ZNF831: variants seen among roughly 807,000 people sequenced by gnomAD.
ZNF831 encodes the protein zinc finger protein 831, also known as chromosome 20 open reading frame 174.
A neutral mutation model predicts 95.8 loss-of-function variants in ZNF831; 59 were observed. The ratio of observed to expected loss-of-function variants is 0.62; its 90% CI spans 0.50 to 0.77. ZNF831 has a LOEUF of 0.77. Among genes scored for constraint, ZNF831 ranks in the 30% least tolerant of loss-of-function variants. The pLI, the probability that ZNF831 is intolerant of heterozygous loss-of-function variation, is 0.00. For synonymous variants in ZNF831, 961 were observed against 925.5 expected, an observed-to-expected ratio of 1.04 and a Z score of -0.70; for missense variants, 2,205 against 2,164.0, an observed-to-expected ratio of 1.02 and a Z score of -0.38.
At chr20:59,240,804 AAAAT>A (rs755896131) in intron 4 of ZNF831, among the ~76,000 whole-genome samples, 14 of 152,178 alleles carry the variant, frequency 9.2e-5, no homozygotes, top group African/African-American at 1.2e-4. Context: ...TCCGTCTCAA[AAAAT>A]AAATAAATAA....
rs1983663148 is a variant in ZNF831, at chr20:59,192,464, C to T, written c.1445C>T (p.Pro482Leu). The T allele has an allele frequency of 1.3e-6, 2 of 1,593,184 alleles. No individual in the cohort carries two copies. The highest frequency in any genetic ancestry group is 2.2e-5 in the East Asian group (1 of 44,736). The change falls in exon 2 of 6, where the codon CCC becomes CTC. Residue 482 changes from proline to leucine, a missense_variant. Coordinates refer to ENST00000371030, the MANE Select transcript of ZNF831 (RefSeq NM_178457.3). The surrounding 1 kb of genome is among the most constrained non-coding windows in gnomAD (Gnocchi z 5.2). ...STWTPPDKSRPLFFHSVPTQL... is the reference protein window; with the variant it reads ...STWTPPDKSRLLFFHSVPTQL... The stretch of plus-strand genomic sequence containing the variant: ...TGGACGCCCCCAGACAAGTCTCGGC[C>T]CCTCTTCTTCCACTCCGTCCCCACT...
chr20:59,251,354 C>T (rs1987878393), intron 4 of ZNF831, among the ~76,000 whole-genome samples: 1 of 152,146 alleles, frequency 6.6e-6, no homozygotes, highest in Non-Finnish European at 1.5e-5. Context: ...TCCAAAGGAC[C>T]ATGAATCATA....
At chr20:59,219,467 C>T (rs1029772010) in intron 4 of ZNF831, among the ~76,000 whole-genome samples, 7 of 152,132 alleles carry the variant, frequency 4.6e-5, no homozygotes, top group Non-Finnish European at 7.3e-5. Flanking sequence ...AAATGCAGTG[C>T]GGTGAGCTCG....
chr20:59,231,474 T>G (rs777797016), intron 4 of ZNF831, among the ~76,000 whole-genome samples: 2 of 152,228 alleles, frequency 1.3e-5, no homozygotes, highest in Non-Finnish European at 2.9e-5. Flanking sequence ...AGTAAAATCT[T>G]ATTCATTATT....
intron 4 of ZNF831, among the ~76,000 whole-genome samples, chr20:59,246,016 T>C (rs1443595240): frequency 1.3e-5 from 2 of 152,218 alleles, no homozygotes; most frequent in African/African-American, 2.4e-5. Context: ...AAGGTAGACA[T>C]TGGCTTTGTT....
Position 59,193,947 on chromosome 20 carries a change from G to C in ZNF831, c.2928G>C (p.Arg976=), listed in dbSNP as rs1160772321. 2.5e-6 allele frequency: 4 copies of C among 1,581,882 alleles called. No homozygotes were observed. Among genetic ancestry groups the C allele is most frequent in the African/African-American group, 1.3e-5 (1 of 74,380 alleles). The change falls in exon 2 of 6, where the codon CGG becomes CGC. Residue 976 remains arginine (R), a synonymous_variant. Transcript: ENST00000371030. ...SLCSSGWPEE[R]ASFVGSGLGT... is the part of the protein sequence containing the mutation. ...GCAGCAGTGGGTGGCCTGAAGAACG[G>C]GCATCATTTGTTGGGTCAGGACTGG...
In ZNF831 at chr20:59,144,531, A is replaced by G. The variant is rs536496811; in HGVS notation, c.-1424-1700A>G. Among the ~76,000 whole-genome samples the G allele has an allele frequency of 1.7e-4, 26 of 149,066 alleles. No homozygotes were observed. The East Asian group carries it at 2.5e-3, about 14-fold the overall frequency. On this transcript the variant is annotated intron_variant, in intron 1 of 7. Transcript: ENST00000637017. ...ACATTACCCAATGTCCCCAGAGGGGAAAAAAAAATCACTGTTGGTTGAGAA... is the reference window on the plus strand; with the variant it reads ...ACATTACCCAATGTCCCCAGAGGGGGAAAAAAAATCACTGTTGGTTGAGAA...
chr20:59,154,466 C>A (rs1186417506), intron 2 of ZNF831, among the ~76,000 whole-genome samples: 1 of 152,208 alleles, frequency 6.6e-6, no homozygotes, highest in African/African-American at 2.4e-5. Context: ...GCGATTGGTA[C>A]CTCCTTTTCC....
At chr20:59,159,149 A>G (rs1980703566), upstream of ZNF831, among the ~76,000 whole-genome samples, 1 of 152,218 alleles carries the variant, frequency 6.6e-6, no homozygotes, top group African/African-American at 2.4e-5. Context: ...ATGAAAATAA[A>G]TACAGATGAC....
chr20:59,256,696 C>T lies in ZNF831; in HGVS notation c.*1953C>T, dbSNP rs1219670545. Reference sequence around the variant, plus strand: ...GACTCAATGGCTTGAAGATATTCCCCATGGGGAACCATTGCCACGGAGGCC... The same window carrying T: ...GACTCAATGGCTTGAAGATATTCCCTATGGGGAACCATTGCCACGGAGGCC... On this transcript the variant is annotated 3_prime_UTR_variant, in exon 6 of 6. Coordinates refer to ENST00000371030, the MANE Select transcript of ZNF831 (RefSeq NM_178457.3). The T allele has an allele frequency of 6.6e-6, 1 of 152,206 alleles. No homozygotes were observed. Among genetic ancestry groups the T allele is most frequent in the African/African-American group, 2.4e-5 (1 of 41,448 alleles). The allele number at this position is 152,206 out of a possible 1,614,324, so 9.4% of individuals were successfully genotyped here.
intron 4 of ZNF831, among the ~76,000 whole-genome samples, chr20:59,248,246 T>C (rs1419212412): frequency 1.3e-5 from 2 of 152,232 alleles, no homozygotes; most frequent in Non-Finnish European, 2.9e-5. Flanking sequence ...TCTGAGGATG[T>C]AGGAAGTGAT....
At chr20:59,196,710 G>A (rs1216048137) in intron 3 of ZNF831, among the ~76,000 whole-genome samples, 1 of 152,066 alleles carries the variant, frequency 6.6e-6, no homozygotes, top group Non-Finnish European at 1.5e-5. Flanking sequence ...TCTAATCCCA[G>A]ATCCCTGAAG....
At position 59,257,266 on chromosome 20, in the gene ZNF831, G is replaced by T. The variant is rs1988229570; in HGVS notation, c.*2523G>T. 1 of 152,160 alleles carries T rather than the reference G, an allele frequency of 6.6e-6. No individual in the cohort carries two copies. Among genetic ancestry groups the T allele is most frequent in the African/African-American group, 2.4e-5 (1 of 41,426 alleles). 9.4% of individuals were successfully genotyped at this position (152,160 alleles called of 1,614,324 possible). On this transcript the variant is annotated 3_prime_UTR_variant, in exon 6 of 6. Transcript: ENST00000371030. ...TTCCCTGGTCTTTGCCTAGTGGCTGGCAATGTTTACAAGTGTACCTTACTT... is the reference window on the plus strand; with the variant it reads ...TTCCCTGGTCTTTGCCTAGTGGCTGTCAATGTTTACAAGTGTACCTTACTT...
intron 4 of ZNF831, among the ~76,000 whole-genome samples, chr20:59,233,960 G>A (rs1307640189): frequency 6.6e-6 from 1 of 152,186 alleles, no homozygotes; most frequent in East Asian, 1.9e-4. Flanking sequence ...AAACAACCCC[G>A]ATGGGCCATC....
chr20:59,160,066 C>G (rs1398919979), upstream of ZNF831: 2 of 152,314 alleles, frequency 1.3e-5, no homozygotes, highest in African/African-American at 4.8e-5. Flanking sequence ...TTCCTACAGT[C>G]GCTCACGACA....
chr20:59,170,569 G>A (rs6026747), intron 1 of ZNF831, among the ~76,000 whole-genome samples: 21,315 of 152,194 alleles, frequency 0.14, 1,668 homozygotes, highest in African/African-American at 0.2. Context: ...CTATCTTGAT[G>A]TAGCAGTCTG....
chr20:59,202,338 TTA>T lies in ZNF831; in HGVS notation c.3876-4566_3876-4565del, dbSNP rs1491315768. 1.0e-3 allele frequency among the ~76,000 whole-genome samples: 148 copies of T among 146,660 alleles called. 1 individual carries two copies. The highest frequency in any genetic ancestry group is 3.3e-3 in the African/African-American group (131 of 39,884). On this transcript the variant is annotated intron_variant, in intron 3 of 5. Coordinates refer to ENST00000371030, the MANE Select transcript of ZNF831 (RefSeq NM_178457.3). ...TTATTTTCAACCTTTTTTTTTTTTTTTAAAAAAAAAAACACATCTAATGTTTT... is the reference window on the plus strand; with the variant it reads ...TTATTTTCAACCTTTTTTTTTTTTTTAAAAAAAAAACACATCTAATGTTTT...
chr20:59,227,279 G>A (rs537769443), intron 4 of ZNF831, among the ~76,000 whole-genome samples: 1 of 152,120 alleles, frequency 6.6e-6, no homozygotes, highest in East Asian at 1.9e-4. Flanking sequence ...TGTAAAATGG[G>A]AGCCTTTGTA....
intron 1 of ZNF831, among the ~76,000 whole-genome samples, chr20:59,180,960 A>G (rs1982572622): frequency 6.6e-6 from 1 of 152,244 alleles, no homozygotes; most frequent in South Asian, 2.1e-4. Context: ...ATTGTCTTCC[A>G]CAATGGTTGA....
Sources: allele counts gnomAD v4.1 joint callset (sites outside exome capture counted in the v4.1 genomes callset), GRCh38; gene constraint gnomAD v4.1.1; non-coding constraint Gnocchi (gnomAD v3.1); transcripts MANE v1.5; gene names NCBI Gene and HGNC (gene_info 2026-07-23, HGNC 2026-07-21).